GPR158: variants seen among roughly 807,000 people sequenced by gnomAD.
GPR158 encodes the protein G protein-coupled receptor 158.
GPR158 carries 30 observed loss-of-function variants against 78.2 expected under a neutral mutation model. That is an observed-to-expected ratio of 0.38 (90% CI 0.29 to 0.52). The LOEUF (loss-of-function observed/expected upper bound fraction) is 0.52, where lower values mean the gene tolerates loss of function less well. GPR158 is among the 20% of genes least tolerant of loss of function. GPR158 has a pLI of 0.83. For missense variants in GPR158, 1,463 were observed against 1,523.5 expected (o/e 0.96, Z 0.66); for synonymous variants, 581 against 591.1 (o/e 0.98, Z 0.25).
chr10:25,266,956 T>A (rs1035394245), intron 2 of GPR158, among the ~76,000 whole-genome samples: 1 of 152,186 alleles, frequency 6.6e-6, no homozygotes, highest in African/African-American at 2.4e-5. Flanking sequence ...TTTACTTGGA[T>A]TAAATTGTAA....
At chr10:25,545,525 G>A (rs530538233) in intron 5 of GPR158, among the ~76,000 whole-genome samples, 8 of 152,110 alleles carry the variant, frequency 5.3e-5, no homozygotes, top group African/African-American at 1.4e-4. Flanking sequence ...GTGTCTGTTC[G>A]TATCCTTTGC....
chr10:25,529,404 A>C (rs1836393738), intron 5 of GPR158, among the ~76,000 whole-genome samples: 1 of 152,104 alleles, frequency 6.6e-6, no homozygotes, highest in African/African-American at 2.4e-5. Flanking sequence ...TCAATTTGAG[A>C]GTATATACAA....
Position 25,176,415 on chromosome 10 carries a change from C to A in GPR158, c.902+93C>A. ...GCACGTGTGAGGAAGGAACCCTTGG[C>A]TGTGACGCGAACGCTTCTCACCCTC... On this transcript the variant is annotated intron_variant, in intron 1 of 10. Coordinates refer to ENST00000376351, the MANE Select transcript of GPR158 (RefSeq NM_020752.3). This position sits in a 1 kb window ranked among gnomAD's most constrained non-coding sequence, Gnocchi z 6.3. The A allele has an allele frequency of 2.0e-6, 2 of 998,636 alleles. No individual in the cohort carries two copies. Among genetic ancestry groups the A allele is most frequent in the Non-Finnish European group, 2.9e-6 (2 of 693,586 alleles). 61.9% of individuals were successfully genotyped at this position (998,636 alleles called of 1,614,324 possible).
At chr10:25,489,416 A>C (rs1299411929) in intron 5 of GPR158, among the ~76,000 whole-genome samples, 1 of 152,190 alleles carries the variant, frequency 6.6e-6, no homozygotes, top group Non-Finnish European at 1.5e-5. Flanking sequence ...TTCATATTGT[A>C]TGAATGGCTG....
intron 2 of GPR158, among the ~76,000 whole-genome samples, chr10:25,295,345 C>T (rs552979231): frequency 6.6e-6 from 1 of 152,208 alleles, no homozygotes; most frequent in Non-Finnish European, 1.5e-5. Context: ...CACCCATCAG[C>T]CAGAGTAACT....
chr10:25,312,835 A>G (rs971661532), intron 2 of GPR158, among the ~76,000 whole-genome samples: 3 of 152,138 alleles, frequency 2.0e-5, no homozygotes, highest in African/African-American at 4.8e-5. Flanking sequence ...GAAGAATACA[A>G]TCGTTATTAA....
chr10:25,236,368 C>T (rs1267931983), intron 2 of GPR158, among the ~76,000 whole-genome samples: 3 of 151,910 alleles, frequency 2.0e-5, no homozygotes, highest in Non-Finnish European at 2.9e-5. Context: ...ATTAGCTGGG[C>T]GTGGTGGTGG....
intron 2 of GPR158, among the ~76,000 whole-genome samples, chr10:25,241,154 TTTC>T (rs1853603067): frequency 8.1e-6 from 1 of 123,326 alleles, no homozygotes; most frequent in Admixed American, 8.2e-5. Context: ...TCTTTCTTTC[TTTC>T]TTTCTTTCTT....
chr10:25,577,947 G>A (rs1012344203), intron 7 of GPR158, among the ~76,000 whole-genome samples: 3 of 152,206 alleles, frequency 2.0e-5, no homozygotes, highest in African/African-American at 4.8e-5. Context: ...TTCAGGCAGA[G>A]TAGTCAGTTT....
At chr10:25,319,873 G>A (rs189902622) in intron 2 of GPR158, among the ~76,000 whole-genome samples, 1 of 144,528 alleles carries the variant, frequency 6.9e-6, no homozygotes, top group East Asian at 2.0e-4. Flanking sequence ...TGTGGCAAAT[G>A]AAAAATAAGG....
At chr10:25,334,464 A>G (rs1026052495) in intron 2 of GPR158, among the ~76,000 whole-genome samples, 5 of 152,058 alleles carry the variant, frequency 3.3e-5, no homozygotes, top group Non-Finnish European at 7.4e-5. Flanking sequence ...TTCAATGCAT[A>G]TGACAACAGA....
rs748267112 is a variant in GPR158, at chr10:25,572,675, C to T, written c.1541C>T (p.Thr514Met). ...HRVLKVFLSR[T>M]AQRIPYMTGG... is the part of the protein sequence containing the mutation. Reference sequence around the variant, plus strand: ...GTTTTGAAGGTGTTTCTTTCACGAACGGCTCAACGAATTCCATATATGACT... The same window carrying T: ...GTTTTGAAGGTGTTTCTTTCACGAATGGCTCAACGAATTCCATATATGACT... Residue 514 changes from threonine (T) to methionine (M), a missense_variant, in exon 7 of 11, where the codon ACG becomes ATG. Thr to Met is a moderately conservative substitution (Grantham distance 81). Transcript: ENST00000376351. 10 of 1,612,922 alleles carry T rather than the reference C, an allele frequency of 6.2e-6. No individual in the cohort carries two copies. Among genetic ancestry groups the T allele is most frequent in the Admixed American group, 3.3e-5 (2 of 59,994 alleles).
chr10:25,516,767 A>G lies in GPR158; in HGVS notation c.1405-34209A>G, dbSNP rs1441477334. 1.6e-3 allele frequency among the ~76,000 whole-genome samples: 173 copies of G among 107,258 alleles called. 1 individual carries two copies. Among genetic ancestry groups the G allele is most frequent in the Middle Eastern group, 3.7e-3 (1 of 268 alleles). 70.4% of individuals were successfully genotyped at this position (107,258 alleles called of 152,430 possible). A position where few individuals can be genotyped will look rare whatever the true frequency, so the allele number is the denominator to read the frequency against. ...GTACCAGTACCATGCTGTTTTGGTT[A>G]CTGTAGCCTTGTAGTATAGTTTGAA... On this transcript the variant is annotated intron_variant, in intron 5 of 10. Coordinates refer to ENST00000376351, the MANE Select transcript of GPR158 (RefSeq NM_020752.3).
rs1051229392 is a variant in GPR158, at chr10:25,478,493, C to CTTGTGTGTGT, written c.1404+11774_1404+11775insTTGTGTGTGT. ...ATAGAAATAGATGAAATATATAATG[C>CTTGTGTGTGT]GTGTGTGTGTGTGTGTGTGTGTGTG... On this transcript the variant is annotated intron_variant, in intron 5 of 10. Coordinates refer to ENST00000376351, the MANE Select transcript of GPR158 (RefSeq NM_020752.3). Among the ~76,000 whole-genome samples, 674 of 145,184 alleles carry CTTGTGTGTGT rather than the reference C, an allele frequency of 4.6e-3. 6 individuals carry two copies. The highest frequency in any genetic ancestry group is 0.016 in the African/African-American group (644 of 40,030).
chr10:25,421,537 G>A (rs1380005900), intron 4 of GPR158, among the ~76,000 whole-genome samples: 1 of 152,022 alleles, frequency 6.6e-6, no homozygotes, highest in Admixed American at 6.5e-5. Flanking sequence ...CCTAATTCTA[G>A]TAGTGGCCAG....
chr10:25,548,794 CTTA>C (rs1318395545), intron 5 of GPR158, among the ~76,000 whole-genome samples: 1 of 152,068 alleles, frequency 6.6e-6, no homozygotes, highest in Non-Finnish European at 1.5e-5. Flanking sequence ...AATTTCATTT[CTTA>C]TTATTTTAAA....
intron 6 of GPR158, among the ~76,000 whole-genome samples, chr10:25,553,712 CT>C (rs1836754017): frequency 6.6e-6 from 1 of 152,052 alleles, no homozygotes; most frequent in African/African-American, 2.4e-5. Flanking sequence ...CTGGTGTCTC[CT>C]AGAGTCAAGA....
chr10:25,460,696 C>T (rs1835348144), intron 4 of GPR158, among the ~76,000 whole-genome samples: 4 of 152,106 alleles, frequency 2.6e-5, no homozygotes, highest in Admixed American at 2.6e-4. Context: ...ATGTATCCTC[C>T]AGACATCTAT....
intron 7 of GPR158, 24 bp from the exon 8 acceptor site, chr10:25,588,983 G>T (rs780413568): frequency 6.7e-7 from 1 of 1,494,340 alleles, no homozygotes; most frequent in Non-Finnish European, 9.1e-7. Flanking sequence ...TAAAACTCAT[G>T]AAAATGGTTT....
Sources: gnomAD v4.1 joint callset for allele counts (sites outside exome capture counted in the v4.1 genomes callset) on GRCh38, gnomAD v4.1.1 for gene constraint, Gnocchi (gnomAD v3.1) non-coding constraint, MANE v1.5 for transcripts, NCBI Gene and HGNC (gene_info 2026-07-23, HGNC 2026-07-21) for gene names.